EFR3A: variants seen among roughly 807,000 people sequenced by gnomAD.
EFR3A encodes protein EFR3 homolog A.
EFR3A carries 76 observed loss-of-function variants against 104.4 expected under a neutral mutation model. The ratio of observed to expected loss-of-function variants is 0.73; its 90% confidence interval spans 0.60 to 0.88. The LOEUF is 0.88. Ranked by LOEUF, EFR3A falls within the 40% of genes least tolerant of loss-of-function variation. EFR3A has a pLI of 0.00. For missense variants in EFR3A, 985 were observed against 1,012.5 expected (o/e 0.97, Z 0.37); for synonymous variants, 330 against 330.0 (o/e 1.00, Z 0.00).
At chr8:131,973,764 T>C (rs887658354) in intron 10 of EFR3A, among the ~76,000 whole-genome samples, 3 of 152,184 alleles carry the variant, frequency 2.0e-5, no homozygotes, top group Non-Finnish European at 4.4e-5. Context: ...AGAACATAGC[T>C]ACCTGCTGTG....
At chr8:132,005,576 A>G (rs1821998688) in intron 22 of EFR3A, among the ~76,000 whole-genome samples, 1 of 152,072 alleles carries the variant, frequency 6.6e-6, no homozygotes, top group Admixed American at 6.6e-5. Context: ...CACACGTCAA[A>G]GAATTTAAAG....
intron 1 of EFR3A, chr8:131,935,481 TA>T: frequency 2.2e-6 from 1 of 447,940 alleles, no homozygotes; most frequent in Non-Finnish European, 4.5e-6. Flanking sequence ...CAAAATCCAG[TA>T]ATCGTAGGCA....
Position 131,978,903 on chromosome 8 carries a change from G to A in EFR3A, c.1383G>A (p.Leu461=), listed in dbSNP as rs1432069561. The change falls in exon 13 of 23, where the codon CTG becomes CTA. Residue 461 remains leucine (L), a synonymous_variant. Transcript: ENST00000254624. ...TTACTGCACTGCCAGGGTCTTTCCT[G>A]GATCCTTTGTTATCACCATCTCTCA... is the stretch of plus-strand genomic sequence containing the variant. The part of the protein sequence containing the change: ...TIVTALPGSF[L]DPLLSPSLME... 6.2e-7 allele frequency: 1 copy of A among 1,612,668 alleles called. No individual in the cohort carries two copies. Among genetic ancestry groups the A allele is most frequent in the Non-Finnish European group, 8.5e-7 (1 of 1,179,164 alleles).
chr8:131,987,480 A>G, intron 17 of EFR3A, 95 bp from the exon 18 acceptor site: 1 of 1,311,256 alleles, frequency 7.6e-7, no homozygotes, highest in South Asian at 1.5e-5. Flanking sequence ...TATATTTAGA[A>G]TATTGAGGCT....
At chr8:131,964,573 C>G (rs921521574) in intron 8 of EFR3A, among the ~76,000 whole-genome samples, 1 of 152,046 alleles carries the variant, frequency 6.6e-6, no homozygotes, top group African/African-American at 2.4e-5. Flanking sequence ...AAATAAAAGA[C>G]TATATAAACA....
intron 1 of EFR3A, among the ~76,000 whole-genome samples, chr8:131,931,809 A>G (rs1817624803): frequency 6.6e-6 from 1 of 151,934 alleles, no homozygotes; most frequent in Non-Finnish European, 1.5e-5. Flanking sequence ...TTTTGTCTTC[A>G]TCTTTTTCTG....
intron 7 of EFR3A, among the ~76,000 whole-genome samples, chr8:131,958,332 A>G (rs535636068): frequency 2.6e-5 from 4 of 152,270 alleles, no homozygotes; most frequent in Admixed American, 1.3e-4. Context: ...AAACTACCCA[A>G]TTTATCAGAT....
At chr8:131,959,522 G>C (rs1819196854) in intron 7 of EFR3A, 63 bp from the exon 8 acceptor site, 1 of 1,342,234 alleles carries the variant, frequency 7.5e-7, no homozygotes. Context: ...CTATTGTTGA[G>C]GTTTCTAGAG....
At chr8:131,999,809 T>A (rs1329256422) in intron 19 of EFR3A, among the ~76,000 whole-genome samples, 1 of 152,130 alleles carries the variant, frequency 6.6e-6, no homozygotes, top group African/African-American at 2.4e-5. Context: ...TCACAGGAAG[T>A]AGGTAAACAC....
chr8:131,936,615 A>C (rs989705544), intron 1 of EFR3A, among the ~76,000 whole-genome samples: 3 of 152,186 alleles, frequency 2.0e-5, no homozygotes, highest in Middle Eastern at 6.8e-3. Flanking sequence ...TGCCAGCTAT[A>C]AATCAGGATT....
chr8:131,977,896 C>G (rs1820405999), intron 12 of EFR3A, among the ~76,000 whole-genome samples: 1 of 152,052 alleles, frequency 6.6e-6, no homozygotes, highest in Non-Finnish European at 1.5e-5. Context: ...CATTCCTCCT[C>G]TGATGATATA....
At chr8:131,986,808 A>G (rs1820909432) in intron 17 of EFR3A, among the ~76,000 whole-genome samples, 1 of 151,026 alleles carries the variant, frequency 6.6e-6, no homozygotes, top group Non-Finnish European at 1.5e-5. Flanking sequence ...AAAAAAAAAA[A>G]GAATAAGAAA....
intron 18 of EFR3A, among the ~76,000 whole-genome samples, chr8:131,994,067 A>G (rs1821352565): frequency 6.6e-6 from 1 of 152,022 alleles, no homozygotes; most frequent in Non-Finnish European, 1.5e-5. Flanking sequence ...CTGCGCATGT[A>G]CCCCTGAACT....
At chr8:131,989,417 G>C (rs529754953) in intron 18 of EFR3A, among the ~76,000 whole-genome samples, 1 of 152,310 alleles carries the variant, frequency 6.6e-6, no homozygotes, top group East Asian at 1.9e-4. Context: ...GCTAGGCACT[G>C]TGATAAGTGC....
intron 1 of EFR3A, among the ~76,000 whole-genome samples, chr8:131,934,404 C>T (rs376354520): frequency 6.6e-5 from 10 of 152,152 alleles, no homozygotes; most frequent in South Asian, 2.1e-4. Context: ...TCACTTTAGC[C>T]GCAAGTTGTT....
chr8:131,955,905 C>A lies in EFR3A; in HGVS notation c.776C>A (p.Ala259Glu). 1.2e-6 allele frequency: 2 copies of A among 1,612,054 alleles called. No individual in the cohort carries two copies. Among genetic ancestry groups the A allele is most frequent in the Non-Finnish European group, 1.7e-6 (2 of 1,178,946 alleles). ...AATAATGCTGTTAGACCAGTTTTTG[C>A]GTAAGTAGTTGGTGTTTTCCTGGTT... ...NMNNAVRPVFAHLDHHKLWDP... is the reference protein window; with the variant it reads ...NMNNAVRPVFEHLDHHKLWDP... The change falls in exon 7 of 23, where the codon GCG becomes GAG. Residue 259 changes from alanine (A) to glutamate (E), a missense_variant and splice_region_variant. Transcript: ENST00000254624.
chr8:131,965,729 G>A (rs7841386), intron 8 of EFR3A, among the ~76,000 whole-genome samples: 131,618 of 151,402 alleles, frequency 0.87, 57,388 homozygotes, highest in East Asian at 0.93. Context: ...CCAAAGGATT[G>A]TAAATCATGC....
chr8:131,981,621 G>GA (rs1257044255), intron 14 of EFR3A, among the ~76,000 whole-genome samples: 3 of 151,922 alleles, frequency 2.0e-5, no homozygotes, highest in East Asian at 1.9e-4. Flanking sequence ...AAGAACTAAA[G>GA]AAAAAAAATT....
chr8:131,941,507 ATAT>A, intron 2 of EFR3A, among the ~76,000 whole-genome samples: 1 of 152,276 alleles, frequency 6.6e-6, no homozygotes, highest in South Asian at 2.1e-4. Context: ...AATCAATTAA[ATAT>A]TATTGGCTGC....
Sources: allele counts gnomAD v4.1 joint callset (sites outside exome capture counted in the v4.1 genomes callset), GRCh38; gene constraint gnomAD v4.1.1; transcripts MANE v1.5; gene names NCBI Gene and HGNC (gene_info 2026-07-23, HGNC 2026-07-21).